PCDH11X: variants seen among roughly 807,000 people sequenced by gnomAD.
PCDH11X encodes protocadherin-11 X-linked.
PCDH11X carries 18 observed loss-of-function variants against 53.3 expected under a neutral mutation model. The ratio of observed to expected loss-of-function variants is 0.34; its 90% CI spans 0.23 to 0.50. PCDH11X has a LOEUF of 0.50. Ranked by LOEUF, PCDH11X falls within the 20% of genes least tolerant of loss-of-function variation. The pLI is 0.98. For missense variants in PCDH11X, 570 were observed against 1,032.4 expected (o/e 0.55, Z 6.14); for synonymous variants, 279 against 393.3 (o/e 0.71, Z 3.44).
chrX:92,081,998 T>C (rs1158812298), intron 6 of PCDH11X, among the ~76,000 whole-genome samples: 1 of 110,642 alleles, frequency 9.0e-6, no homozygotes. Context: ...ACAACAATAC[T>C]CTGGGGTAGG....
intron 8 of PCDH11X, among the ~76,000 whole-genome samples, chrX:92,301,393 C>T (rs1254965817): frequency 6.5e-5 from 7 of 106,943 alleles, no homozygotes; most frequent in Admixed American, 3.0e-4. Flanking sequence ...AGGAGCATGG[C>T]GAGCCTTGGG....
At chrX:92,560,221 T>A (rs926729291) in intron 10 of PCDH11X, among the ~76,000 whole-genome samples, 2 of 110,311 alleles carry the variant, frequency 1.8e-5, no homozygotes, top group Admixed American at 1.9e-4. Flanking sequence ...AGCAAAACCA[T>A]GGCCTTGAAG....
At position 91,880,761 on chromosome X, in the gene PCDH11X, A is replaced by G. The variant is rs561480969; in HGVS notation, c.3033+1488A>G. Among the ~76,000 whole-genome samples, 13 of 110,941 alleles carry G rather than the reference A, an allele frequency of 1.2e-4. No homozygotes were observed. The South Asian group carries it at 5.0e-3, about 43-fold the overall frequency. On this transcript the variant is annotated intron_variant, in intron 6 of 10. Transcript: ENST00000682573. ...GATGAATCCCATATTTTACATAGTT[A>G]GTGGATCTGGGATGGGCAACAAACG...
intron 10 of PCDH11X, among the ~76,000 whole-genome samples, chrX:92,552,080 T>A (rs5942299): frequency 0.31 from 30,952 of 99,517 alleles, 4,638 homozygotes; most frequent in Non-Finnish European, 0.41. Flanking sequence ...TCTAGTTCAA[T>A]GAGTAATGCC....
At position 92,623,204 on chromosome X, in the gene PCDH11X, ATATT is replaced by A. The variant is rs1328039668; in HGVS notation, c.*4265_*4268del. ...GTATTGCATGTTTTCTTATTAATAT[ATATT>A]AATAAAAGTTATGAGAAATAAACAT... On this transcript the variant is annotated 3_prime_UTR_variant, in exon 11 of 11. Transcript: ENST00000682573. 1.8e-5 allele frequency: 2 copies of A among 110,715 alleles called. No individual in the cohort carries two copies. The allele number at this position is 110,715 out of a possible 1,213,427, so 9.1% of individuals were successfully genotyped here.
chrX:92,189,466 G>A (rs1051596183), intron 6 of PCDH11X, among the ~76,000 whole-genome samples: 7 of 111,646 alleles, frequency 6.3e-5, no homozygotes, highest in African/African-American at 2.3e-4. Flanking sequence ...GTCTATCACT[G>A]ATGGACATTT....
At chrX:92,185,052 C>T (rs2066066076) in intron 6 of PCDH11X, among the ~76,000 whole-genome samples, 1 of 110,646 alleles carries the variant, frequency 9.0e-6, no homozygotes, top group East Asian at 2.8e-4. Context: ...ATATCGGCAG[C>T]GTCCCTTTTG....
chrX:92,016,743 A>G (rs1296004944), intron 6 of PCDH11X, among the ~76,000 whole-genome samples: 1 of 111,788 alleles, frequency 8.9e-6, no homozygotes, highest in Non-Finnish European at 1.9e-5. Flanking sequence ...TATTGGCCAT[A>G]AGGCAGTTTC....
intron 6 of PCDH11X, among the ~76,000 whole-genome samples, chrX:91,894,422 A>C (rs185551810): frequency 4.5e-5 from 5 of 111,576 alleles, no homozygotes; most frequent in African/African-American, 1.6e-4. Flanking sequence ...ACATTACCAT[A>C]TTTCTAGTGA....
intron 6 of PCDH11X, among the ~76,000 whole-genome samples, chrX:91,916,217 C>A (rs1403358210): frequency 9.0e-6 from 1 of 111,074 alleles, no homozygotes; most frequent in East Asian, 2.8e-4. Flanking sequence ...ATGCTTACAT[C>A]AAAAAGTCTG....
intron 4 of PCDH11X, among the ~76,000 whole-genome samples, chrX:91,824,462 C>T (rs1421352061): frequency 9.9e-5 from 11 of 111,130 alleles, no homozygotes; most frequent in East Asian, 8.5e-4. Flanking sequence ...TCCAGTTGAT[C>T]GCATCGGCTC....
chrX:92,259,502 G>A lies in PCDH11X; in HGVS notation c.3115-3612G>A, dbSNP rs73245237. ...CAGTTTTAAAAGAACCAGATCTCAT[G>A]ATAACTCACTCACTATCATGAGAAC... On this transcript the variant is annotated intron_variant, in intron 7 of 10. Coordinates refer to ENST00000682573, the MANE Select transcript of PCDH11X (RefSeq NM_032968.5). Among the ~76,000 whole-genome samples, 488 of 111,031 alleles carry A rather than the reference G, an allele frequency of 4.4e-3. 1 individual carries two copies. Among genetic ancestry groups the A allele is most frequent in the Non-Finnish European group, 7.3e-3 (388 of 53,032 alleles).
chrX:92,238,706 AT>A (rs1009541983), intron 7 of PCDH11X, among the ~76,000 whole-genome samples: 1 of 111,777 alleles, frequency 8.9e-6, no homozygotes, highest in Non-Finnish European at 1.9e-5. Context: ...ATTGTATATA[AT>A]TCATACAATT....
chrX:91,903,558 A>AT (rs1409768866), intron 6 of PCDH11X, among the ~76,000 whole-genome samples: 3 of 108,069 alleles, frequency 2.8e-5, no homozygotes, highest in Admixed American at 1.0e-4. Flanking sequence ...ATTCATTCAT[A>AT]TTTTTTTATA....
chrX:92,535,335 A>C (rs2148730744), intron 10 of PCDH11X, among the ~76,000 whole-genome samples: 1 of 111,900 alleles, frequency 8.9e-6, no homozygotes, highest in African/African-American at 3.2e-5. Context: ...GGAATACTAC[A>C]CAGCCATAAA....
chrX:92,239,231 A>T (rs375715905), intron 7 of PCDH11X, among the ~76,000 whole-genome samples: 1 of 111,507 alleles, frequency 9.0e-6, no homozygotes, highest in East Asian at 2.8e-4. Context: ...GTAATTTGTT[A>T]CCATAAATAT....
chrX:92,147,455 G>A lies in PCDH11X; in HGVS notation c.3034-53920G>A, dbSNP rs188327598. Among the ~76,000 whole-genome samples, 45 of 111,761 alleles carry A rather than the reference G, an allele frequency of 4.0e-4. 1 individual carries two copies. In the East Asian group the frequency reaches 9.9e-3, roughly 25 times the overall value. The stretch of plus-strand genomic sequence containing the variant: ...GAAAGGAAAACGTCTTCACTGATTT[G>A]AGCCAGCAAAAGTTGGCAGTACAGT... On this transcript the variant is annotated intron_variant, in intron 6 of 10. Transcript: ENST00000682573.
chrX:91,916,517 ACAT>A (rs1382471652), intron 6 of PCDH11X, among the ~76,000 whole-genome samples: 4 of 111,435 alleles, frequency 3.6e-5, no homozygotes, highest in African/African-American at 1.3e-4. Context: ...GAAATACAAA[ACAT>A]CATTCAAGGT....
At chrX:92,462,149 G>C (rs1430629001) in intron 9 of PCDH11X, among the ~76,000 whole-genome samples, 1 of 111,768 alleles carries the variant, frequency 8.9e-6, no homozygotes, top group Non-Finnish European at 1.9e-5. Context: ...AGATATGATT[G>C]AGTTTTATCC....
Sources: gnomAD v4.1 joint callset for allele counts (sites outside exome capture counted in the v4.1 genomes callset) on GRCh38, gnomAD v4.1.1 for gene constraint, MANE v1.5 for transcripts, NCBI Gene and HGNC (gene_info 2026-07-23, HGNC 2026-07-21) for gene names.